FREM2: variants seen among roughly 807,000 people sequenced by gnomAD.
FREM2 encodes the protein FRAS1 related extracellular matrix 2, also known as FRAS1-related extracellular matrix protein 2.
Under a neutral mutation model 219.9 loss-of-function variants are expected in FREM2, and 119 were observed. The ratio of observed to expected loss-of-function variants is 0.54; its 90% CI spans 0.47 to 0.63. The LOEUF (loss-of-function observed/expected upper bound fraction) is 0.63, where lower values mean the gene tolerates loss of function less well. Ranked by LOEUF, FREM2 falls within the 30% of genes least tolerant of loss-of-function variation. The probability of loss-of-function intolerance (pLI) is 0.00; values close to 1 mark genes in which losing one functional copy is unlikely to be tolerated. For synonymous variants in FREM2, 1,562 were observed against 1,522.8 expected, an observed-to-expected ratio of 1.03 and a Z score of -0.60; for missense variants, 4,030 against 3,993.6, an observed-to-expected ratio of 1.01 and a Z score of -0.25.
chr13:38,814,556 G>T (rs1875684557), intron 6 of FREM2, among the ~76,000 whole-genome samples: 1 of 152,120 alleles, frequency 6.6e-6, no homozygotes, highest in Non-Finnish European at 1.5e-5. Context: ...GGTGTGGTGA[G>T]GAAGCACACC....
At chr13:38,736,391 A>T (rs1472522711) in intron 2 of FREM2, among the ~76,000 whole-genome samples, 1 of 152,176 alleles carries the variant, frequency 6.6e-6, no homozygotes, top group African/African-American at 2.4e-5. Context: ...TTATTAACTG[A>T]TAGATCATCA....
chr13:38,871,134 A>C (rs1364041792), intron 16 of FREM2, among the ~76,000 whole-genome samples: 3 of 152,176 alleles, frequency 2.0e-5, no homozygotes, highest in Non-Finnish European at 4.4e-5. Flanking sequence ...CCAGGCTAGC[A>C]GGTAAGAGGG....
At chr13:38,832,829 G>A (rs2137890394) in intron 6 of FREM2, among the ~76,000 whole-genome samples, 1 of 152,250 alleles carries the variant, frequency 6.6e-6, no homozygotes, top group Non-Finnish European at 1.5e-5. Flanking sequence ...CAGATCGCTT[G>A]AGTCCAGGAG....
chr13:38,792,722 A>G (rs901180835), intron 6 of FREM2, among the ~76,000 whole-genome samples: 1 of 152,200 alleles, frequency 6.6e-6, no homozygotes, highest in African/African-American at 2.4e-5. Flanking sequence ...TACATTTGCA[A>G]CTATAGGCAG....
chr13:38,862,098 A>G (rs763697811), intron 15 of FREM2, among the ~76,000 whole-genome samples: 11 of 152,256 alleles, frequency 7.2e-5, no homozygotes, highest in South Asian at 2.1e-4. Context: ...TACTTTATGA[A>G]TATTTTACCA....
chr13:38,838,608 A>G (rs2137896676), intron 6 of FREM2, among the ~76,000 whole-genome samples: 1 of 152,316 alleles, frequency 6.6e-6, no homozygotes, highest in Middle Eastern at 3.4e-3. Flanking sequence ...AATCAAACGT[A>G]GGTTTGGTCT....
chr13:38,751,087 A>G (rs1872735005), intron 2 of FREM2, among the ~76,000 whole-genome samples: 1 of 152,120 alleles, frequency 6.6e-6, no homozygotes, highest in Non-Finnish European at 1.5e-5. Flanking sequence ...GCCATTGTAA[A>G]TAACGCTACA....
At chr13:38,839,278 A>G (rs544926414) in intron 6 of FREM2, among the ~76,000 whole-genome samples, 1 of 152,270 alleles carries the variant, frequency 6.6e-6, no homozygotes, top group South Asian at 2.1e-4. Flanking sequence ...TTGCCTGGGT[A>G]TCACCAGCAG....
intron 11 of FREM2, among the ~76,000 whole-genome samples, chr13:38,853,507 A>T (rs1429011040): frequency 6.6e-6 from 1 of 152,166 alleles, no homozygotes; most frequent in Non-Finnish European, 1.5e-5. Flanking sequence ...TGATGATCTT[A>T]GCACGTCAGG....
At chr13:38,726,003 G>T in intron 2 of FREM2, among the ~76,000 whole-genome samples, 1 of 152,280 alleles carries the variant, frequency 6.6e-6, no homozygotes, top group East Asian at 1.9e-4. Context: ...GAAGCCAACA[G>T]ATCAGGACAA....
At chr13:38,844,788 G>T (rs890776158) in intron 6 of FREM2, among the ~76,000 whole-genome samples, 3 of 152,202 alleles carry the variant, frequency 2.0e-5, no homozygotes, top group African/African-American at 7.2e-5. Context: ...GGATGCAGGT[G>T]ATCAAGCCTC....
chr13:38,795,975 TTTTC>T (rs543239149), intron 6 of FREM2, among the ~76,000 whole-genome samples: 42 of 152,174 alleles, frequency 2.8e-4, no homozygotes, highest in South Asian at 2.5e-3. Flanking sequence ...TACACGATAG[TTTTC>T]TTTCTTTCTT....
intron 6 of FREM2, among the ~76,000 whole-genome samples, chr13:38,795,392 A>G (rs540263989): frequency 6.6e-6 from 1 of 151,256 alleles, no homozygotes; most frequent in African/African-American, 2.4e-5. Context: ...AATCAACCAA[A>G]CAACTATTCC....
intron 18 of FREM2, 139 bp downstream of exon 18, chr13:38,874,725 A>G: frequency 1.4e-6 from 1 of 734,528 alleles, no homozygotes; most frequent in Non-Finnish European, 2.5e-6. Flanking sequence ...GATTATCTCC[A>G]TGAGAGCTTG....
chr13:38,695,338 G>A (rs768423248), intron 1 of FREM2, among the ~76,000 whole-genome samples: 2 of 152,006 alleles, frequency 1.3e-5, no homozygotes, highest in African/African-American at 2.4e-5. Context: ...AAAGGTTTTA[G>A]TATGTTCCAA....
chr13:38,840,483 G>A (rs968098087), intron 6 of FREM2, among the ~76,000 whole-genome samples: 7 of 148,810 alleles, frequency 4.7e-5, no homozygotes, highest in Non-Finnish European at 1.0e-4. Flanking sequence ...GTGCAATGGT[G>A]CAATATTGGC....
At chr13:38,771,782 T>G (rs763945112) in intron 4 of FREM2, among the ~76,000 whole-genome samples, 92 of 152,316 alleles carry the variant, frequency 6.0e-4, no homozygotes, top group Non-Finnish European at 9.6e-4. Context: ...CCATTGGTCT[T>G]GAAACCCAAC....
chr13:38,712,167 T>G (rs1214395399), intron 2 of FREM2, among the ~76,000 whole-genome samples: 2 of 152,056 alleles, frequency 1.3e-5, no homozygotes, highest in Non-Finnish European at 2.9e-5. Flanking sequence ...GTGCTGGGAT[T>G]ACAGGCGTGA....
chr13:38,855,991 C>A, intron 11 of FREM2, 135 bp from the exon 12 acceptor site: 1 of 608,104 alleles, frequency 1.6e-6, no homozygotes, highest in Admixed American at 3.0e-5. Context: ...TTTACACACA[C>A]ACCCAAATAT....
Sources: gnomAD v4.1 joint callset for allele counts (sites outside exome capture counted in the v4.1 genomes callset) on GRCh38, gnomAD v4.1.1 for gene constraint, MANE v1.5 for transcripts, NCBI Gene and HGNC (gene_info 2026-07-23, HGNC 2026-07-21) for gene names.